The following NRG3 variants were observed in gnomAD, a reference collection of about 807,000 sequenced individuals.
NRG3 encodes pro-neuregulin-3, membrane-bound isoform.
In NRG3, 31 loss-of-function variants were observed where a neutral mutation model predicts 66.9. That is an observed-to-expected ratio of 0.46 (90% CI 0.35 to 0.63). The LOEUF (loss-of-function observed/expected upper bound fraction) is 0.63. Ranked by LOEUF, NRG3 falls within the 20% of genes least tolerant of loss-of-function variation. The probability of loss-of-function intolerance (pLI) is 0.00; values close to 1 mark genes in which losing one functional copy is unlikely to be tolerated. For synonymous variants in NRG3, 393 were observed against 359.4 expected (o/e 1.09, Z -1.06); for missense variants, 910 against 878.9 (o/e 1.04, Z -0.45).
At chr10:82,885,604 C>T (rs527746899) in intron 4 of NRG3, among the ~76,000 whole-genome samples, 1 of 152,106 alleles carries the variant, frequency 6.6e-6, no homozygotes, top group African/African-American at 2.4e-5. Flanking sequence ...TACAGATCTT[C>T]AAAAAAATAA....
intron 1 of NRG3, among the ~76,000 whole-genome samples, chr10:82,356,204 T>G (rs2083769169): frequency 6.6e-6 from 1 of 152,210 alleles, no homozygotes; most frequent in Admixed American, 6.5e-5. Flanking sequence ...AATTAATTGA[T>G]TGTAATTGCT....
chr10:82,217,868 GT>G (rs2133735190), intron 1 of NRG3, among the ~76,000 whole-genome samples: 1 of 152,230 alleles, frequency 6.6e-6, no homozygotes, highest in Admixed American at 6.5e-5. Flanking sequence ...ATTTGTATTA[GT>G]TTTGTATTAC....
chr10:82,556,347 C>G (rs1398655010), intron 2 of NRG3, among the ~76,000 whole-genome samples: 1 of 152,018 alleles, frequency 6.6e-6, no homozygotes, highest in Non-Finnish European at 1.5e-5. Context: ...GCAGTGTGCT[C>G]TAGAGCTAGT....
intron 2 of NRG3, among the ~76,000 whole-genome samples, chr10:82,659,527 C>T (rs1193520338): frequency 6.6e-6 from 1 of 152,004 alleles, no homozygotes; most frequent in Non-Finnish European, 1.5e-5. Context: ...TGCCTGTAGT[C>T]CTAGCTACTC....
intron 1 of NRG3, among the ~76,000 whole-genome samples, chr10:82,194,160 A>C (rs2074323942): frequency 6.6e-6 from 1 of 152,150 alleles, no homozygotes; most frequent in Non-Finnish European, 1.5e-5. Flanking sequence ...GGAGGCTGCC[A>C]CTGACCTTGT....
At chr10:82,581,157 T>C (rs1324438240) in intron 2 of NRG3, among the ~76,000 whole-genome samples, 1 of 152,004 alleles carries the variant, frequency 6.6e-6, no homozygotes, top group African/African-American at 2.4e-5. Context: ...TATAGTGGTA[T>C]CTCATTTTGC....
At chr10:82,233,605 C>T (rs1026790210) in intron 1 of NRG3, among the ~76,000 whole-genome samples, 1 of 152,090 alleles carries the variant, frequency 6.6e-6, no homozygotes, top group South Asian at 2.1e-4. Context: ...GCCTGAGATT[C>T]ACTCTTGTGT....
intron 1 of NRG3, among the ~76,000 whole-genome samples, chr10:82,191,073 C>T (rs750028355): frequency 6.6e-6 from 1 of 152,036 alleles, no homozygotes; most frequent in Non-Finnish European, 1.5e-5. Context: ...AGTGAGATTG[C>T]TTTGCTTGGT....
At chr10:81,973,904 T>C (rs2060021850) in intron 1 of NRG3, among the ~76,000 whole-genome samples, 1 of 152,170 alleles carries the variant, frequency 6.6e-6, no homozygotes, top group Non-Finnish European at 1.5e-5. Context: ...AGAAGCTCTT[T>C]AGTTTAATTA....
intron 1 of NRG3, among the ~76,000 whole-genome samples, chr10:82,327,790 T>G (rs1195420327): frequency 6.6e-6 from 1 of 152,156 alleles, no homozygotes; most frequent in Non-Finnish European, 1.5e-5. Context: ...ACAACAGAAA[T>G]TTCTCACAGT....
chr10:81,876,188 A>C (rs903290263), intron 1 of NRG3, 25 bp downstream of exon 1: 21 of 1,549,230 alleles, frequency 1.4e-5, no homozygotes, highest in Non-Finnish European at 1.8e-5. Flanking sequence ...TGTCTCAACT[A>C]TGATTTACTA....
chr10:82,438,695 G>T (rs1434923175), intron 2 of NRG3, among the ~76,000 whole-genome samples: 1 of 152,176 alleles, frequency 6.6e-6, no homozygotes, highest in Non-Finnish European at 1.5e-5. Flanking sequence ...CCCTTCCATG[G>T]GTTGCACAGT....
At chr10:82,351,111 G>T (rs1409459272) in intron 1 of NRG3, among the ~76,000 whole-genome samples, 1 of 152,048 alleles carries the variant, frequency 6.6e-6, no homozygotes, top group African/African-American at 2.4e-5. Context: ...AGCCAGGATG[G>T]TCTTGATCTC....
At chr10:82,710,811 T>G (rs1398211791) in intron 2 of NRG3, among the ~76,000 whole-genome samples, 1 of 152,074 alleles carries the variant, frequency 6.6e-6, no homozygotes, top group Non-Finnish European at 1.5e-5. Flanking sequence ...TTTTACTGGT[T>G]TTTACAAGTT....
At chr10:82,665,796 C>T (rs1185871332) in intron 2 of NRG3, among the ~76,000 whole-genome samples, 1 of 152,176 alleles carries the variant, frequency 6.6e-6, no homozygotes, top group Non-Finnish European at 1.5e-5. Context: ...TGAACCCACC[C>T]TCTCTGTGGT....
At chr10:82,004,034 C>T (rs1020610409) in intron 1 of NRG3, among the ~76,000 whole-genome samples, 3 of 146,542 alleles carry the variant, frequency 2.0e-5, no homozygotes, top group African/African-American at 7.7e-5. Context: ...CACACACACA[C>T]AGATACCTTA....
intron 2 of NRG3, among the ~76,000 whole-genome samples, chr10:82,727,863 C>T (rs2057688794): frequency 6.6e-6 from 1 of 152,132 alleles, no homozygotes; most frequent in Non-Finnish European, 1.5e-5. Context: ...GATGGAGCTG[C>T]CCAAGACCAT....
intron 1 of NRG3, among the ~76,000 whole-genome samples, chr10:82,150,093 C>T (rs748812275): frequency 6.8e-4 from 103 of 152,144 alleles, no homozygotes; most frequent in Admixed American, 8.5e-4. Flanking sequence ...CCCTGGTACC[C>T]CTGGACCACC....
intron 2 of NRG3, among the ~76,000 whole-genome samples, chr10:82,391,758 TG>T (rs371721009): frequency 3.6e-4 from 55 of 152,026 alleles, no homozygotes; most frequent in African/African-American, 1.2e-3. Flanking sequence ...AGCTTTTGTG[TG>T]TTTTTTAGTC....
Sources: gnomAD v4.1 joint callset for allele counts (sites outside exome capture counted in the v4.1 genomes callset) on GRCh38, gnomAD v4.1.1 for gene constraint, MANE v1.5 for transcripts, NCBI Gene and HGNC (gene_info 2026-07-23, HGNC 2026-07-21) for gene names.